Variants in COPG2 observed in about 807,000 individuals in gnomAD.
The protein encoded by COPG2 is coatomer subunit gamma-2.
Under a neutral mutation model 46.3 loss-of-function variants are expected in COPG2, and 37 were observed. The ratio of observed to expected loss-of-function variants is 0.80; its 90% confidence interval spans 0.61 to 1.05. The LOEUF is 1.05. Ranked by LOEUF, COPG2 falls within the 50% of genes least tolerant of loss-of-function variation. The pLI is 0.00. For missense variants in COPG2, 427 were observed against 387.8 expected (o/e 1.10, Z -0.85); for synonymous variants, 159 against 129.7 (o/e 1.23, Z -1.53).
chr7:130,531,597 G>A, intron 20 of COPG2, among the ~76,000 whole-genome samples: 1 of 152,256 alleles, frequency 6.6e-6, no homozygotes, highest in South Asian at 2.1e-4. Context: ...CACAAAGAGT[G>A]GGATTCCACC....
chr7:130,547,789 C>T lies in COPG2; in HGVS notation c.2034G>A (p.Met678Ile). Reference protein sequence around the residue: ...DQLLEKVTVQMEPSDSYEVLS... With the variant: ...DQLLEKVTVQIEPSDSYEVLS... ...GCACTTCATAGGAATCTGATGGCTC[C>T]ATCTGCACTGTCACTTTTTCCAGCA... is the stretch of plus-strand genomic sequence containing the variant. The change falls in exon 20 of 24, where the codon ATG becomes ATA. Residue 678 changes from methionine to isoleucine, a missense_variant. Met to Ile is a conservative substitution (Grantham distance 10, BLOSUM62 1). Coordinates refer to ENST00000425248, the MANE Select transcript of COPG2 (RefSeq NM_012133.6). The T allele has an allele frequency of 2.5e-6, 1 of 399,050 alleles. No individual in the cohort carries two copies. Among genetic ancestry groups the T allele is most frequent in the Non-Finnish European group, 4.4e-6 (1 of 226,326 alleles). 24.7% of individuals were successfully genotyped at this position (399,050 alleles called of 1,614,324 possible).
intron 5 of COPG2, among the ~76,000 whole-genome samples, chr7:130,626,751 T>A (rs1584589661): frequency 6.6e-6 from 1 of 152,250 alleles, no homozygotes; most frequent in Admixed American, 6.5e-5. Flanking sequence ...TGACACCTGA[T>A]TGCCAAAAGG....
At position 130,639,055 on chromosome 7, in the gene COPG2, G is replaced by C. The variant is rs147000464; in HGVS notation, c.323+13814C>G. Among the ~76,000 whole-genome samples the C allele has an allele frequency of 4.6e-5, 7 of 152,262 alleles. No individual in the cohort carries two copies. The East Asian group carries it at 1.4e-3, about 29-fold the overall frequency. ...TGCTTCAACTTGACCTCCAGGGGCTGCACCCACTGTCTAACCAGTCCCAGT... is the reference window on the plus strand; with the variant it reads ...TGCTTCAACTTGACCTCCAGGGGCTCCACCCACTGTCTAACCAGTCCCAGT... On this transcript the variant is annotated intron_variant, in intron 5 of 23. Coordinates refer to ENST00000425248, the MANE Select transcript of COPG2 (RefSeq NM_012133.6).
At chr7:130,520,695 ATCT>A (rs1799716585) in intron 20 of COPG2, among the ~76,000 whole-genome samples, 1 of 152,202 alleles carries the variant, frequency 6.6e-6, no homozygotes, top group Non-Finnish European at 1.5e-5. Flanking sequence ...TATTCCTGTC[ATCT>A]TCTCCATAAT....
intron 5 of COPG2, among the ~76,000 whole-genome samples, chr7:130,624,665 G>A (rs1584588102): frequency 6.6e-6 from 1 of 152,066 alleles, no homozygotes; most frequent in Admixed American, 6.6e-5. Context: ...TTAAACATAC[G>A]ATACTTGGTT....
In COPG2 at chr7:130,668,720, A is replaced by C; in HGVS notation, c.-52T>G. ...CCACCGCAACCGTCCCAGGCGCCGC[A>C]GCCGGCGAGCGGAAGAGGCTGCAGG... On this transcript the variant is annotated 5_prime_UTR_variant, in exon 1 of 24. Coordinates refer to ENST00000425248, the MANE Select transcript of COPG2 (RefSeq NM_012133.6). 6.7e-7 allele frequency: 1 copy of C among 1,502,966 alleles called. No homozygotes were observed. Among genetic ancestry groups the C allele is most frequent in the South Asian group, 1.3e-5 (1 of 78,790 alleles). The allele number at this position is 1,502,966 out of a possible 1,614,324, so 93.1% of individuals were successfully genotyped here. A position where few individuals can be genotyped will look rare whatever the true frequency, so the allele number is the denominator to read the frequency against.
intron 9 of COPG2, among the ~76,000 whole-genome samples, chr7:130,583,755 C>G (rs1382813069): frequency 7.9e-6 from 1 of 126,440 alleles, no homozygotes; most frequent in African/African-American, 2.9e-5. Flanking sequence ...TGCAGTGAGC[C>G]AAGATCGCGC....
At chr7:130,590,510 G>A (rs369786489) in intron 9 of COPG2, among the ~76,000 whole-genome samples, 2 of 152,094 alleles carry the variant, frequency 1.3e-5, no homozygotes, top group African/African-American at 2.4e-5. Flanking sequence ...CGCCAGCCTC[G>A]GCCTCCCGAG....
At chr7:130,541,054 A>C (rs1799930830) in intron 20 of COPG2, among the ~76,000 whole-genome samples, 1 of 152,202 alleles carries the variant, frequency 6.6e-6, no homozygotes. Flanking sequence ...AGCCGGGCAG[A>C]CACGTGGAGT....
At chr7:130,559,354 G>A (rs1793680966) in intron 12 of COPG2, among the ~76,000 whole-genome samples, 3 of 152,032 alleles carry the variant, frequency 2.0e-5, no homozygotes, top group Non-Finnish European at 2.9e-5. Context: ...GCCAGGGGCC[G>A]GAGAACCCAC....
chr7:130,612,639 C>G (rs1026891971), intron 7 of COPG2, among the ~76,000 whole-genome samples: 1 of 152,174 alleles, frequency 6.6e-6, no homozygotes, highest in Non-Finnish European at 1.5e-5. Flanking sequence ...GAATCAGGAA[C>G]TCTTGTATTT....
chr7:130,665,978 G>A (rs541233484), intron 3 of COPG2, among the ~76,000 whole-genome samples: 8 of 152,086 alleles, frequency 5.3e-5, no homozygotes, highest in East Asian at 1.9e-4. Context: ...CAGCAGCTAC[G>A]CAATAAATAT....
chr7:130,599,069 G>T (rs552152976), intron 9 of COPG2, among the ~76,000 whole-genome samples: 1 of 152,312 alleles, frequency 6.6e-6, no homozygotes, highest in East Asian at 1.9e-4. Context: ...GCAGCCAGAG[G>T]TTTCCATGCT....
intron 20 of COPG2, among the ~76,000 whole-genome samples, chr7:130,532,115 T>A (rs1799832127): frequency 4.7e-4 from 71 of 152,236 alleles, no homozygotes; most frequent in Non-Finnish European, 4.4e-5. Flanking sequence ...AAGACGCACG[T>A]GCAGCAGGGT....
intron 5 of COPG2, among the ~76,000 whole-genome samples, chr7:130,647,544 A>C (rs1393857946): frequency 1.3e-5 from 2 of 152,080 alleles, no homozygotes; most frequent in African/African-American, 4.8e-5. Flanking sequence ...GGGCAGGTAT[A>C]TAATTAACTT....
rs542594276 is a variant in COPG2, at chr7:130,633,076, A to C, written c.324-16011T>G. Among the ~76,000 whole-genome samples, 4 of 152,198 alleles carry C rather than the reference A, an allele frequency of 2.6e-5. No individual in the cohort carries two copies. The East Asian group carries it at 7.7e-4, about 29-fold the overall frequency. ...ATGTCCCTGCAAAGGACATGAACTC[A>C]TCCTTTTTTATGGCTGCATAGTATT... On this transcript the variant is annotated intron_variant, in intron 5 of 23. Transcript: ENST00000425248.
intron 20 of COPG2, among the ~76,000 whole-genome samples, chr7:130,546,189 C>T (rs1793440512): frequency 6.6e-6 from 1 of 152,070 alleles, no homozygotes; most frequent in African/African-American, 2.4e-5. Flanking sequence ...GGGATGGCTA[C>T]TGGAAAAGAA....
intron 1 of COPG2, 36 bp downstream of exon 1, chr7:130,668,596 G>A (rs1310465821): frequency 6.7e-7 from 1 of 1,500,978 alleles, no homozygotes; most frequent in South Asian, 1.3e-5. Context: ...GGGGCGTCCC[G>A]CGGCTGAGGG....
At chr7:130,521,846 G>C (rs1328258877) in intron 20 of COPG2, among the ~76,000 whole-genome samples, 1 of 152,014 alleles carries the variant, frequency 6.6e-6, no homozygotes, top group Admixed American at 6.5e-5. Context: ...CCAAAGATAT[G>C]GAAGGGAAAA....
Sources: gnomAD v4.1 joint callset for allele counts (sites outside exome capture counted in the v4.1 genomes callset) on GRCh38, gnomAD v4.1.1 for gene constraint, MANE v1.5 for transcripts, NCBI Gene and HGNC (gene_info 2026-07-23, HGNC 2026-07-21) for gene names.